Variants in HIPK3 observed in about 807,000 individuals in gnomAD.
HIPK3 encodes homeodomain interacting protein kinase 3.
HIPK3 carries 47 observed loss-of-function variants against 124.2 expected under a neutral mutation model. The observed-to-expected ratio is 0.38, with a 90% CI of 0.30 to 0.48. The LOEUF (loss-of-function observed/expected upper bound fraction) is 0.48, where lower values mean the gene tolerates loss of function less well. HIPK3 is among the 20% of genes least tolerant of loss of function. The pLI, the probability that HIPK3 is intolerant of heterozygous loss-of-function variation, is 0.98. For missense variants in HIPK3, 1,286 were observed against 1,454.3 expected, an observed-to-expected ratio of 0.88 and a Z score of 1.88; for synonymous variants, 482 against 515.2, an observed-to-expected ratio of 0.94 and a Z score of 0.87.
chr11:33,311,989 C>CACACACACAG (rs1218271609), intron 2 of HIPK3, among the ~76,000 whole-genome samples: 3 of 149,108 alleles, frequency 2.0e-5, no homozygotes, highest in Non-Finnish European at 3.0e-5. Flanking sequence ...CACACACACA[C>CACACACACAG]ACACACACCA....
chr11:33,314,747 GAAAGTTA>G (rs1031153932), intron 2 of HIPK3, among the ~76,000 whole-genome samples: 3 of 152,192 alleles, frequency 2.0e-5, no homozygotes, highest in African/African-American at 7.2e-5. Flanking sequence ...TACAAAGTTA[GAAAGTTA>G]AATCATTTAT....
intron 16 of HIPK3, 24 bp from the exon 17 acceptor site, chr11:33,353,067 AT>A (rs372470144): frequency 0.1 from 89,364 of 885,400 alleles, 230 homozygotes; most frequent in Non-Finnish European, 0.11. Context: ...TTATTCAGTC[AT>A]TTTTTTTTTT....
At chr11:33,302,905 A>C (rs746623180) in intron 2 of HIPK3, among the ~76,000 whole-genome samples, 1 of 152,212 alleles carries the variant, frequency 6.6e-6, no homozygotes, top group Non-Finnish European at 1.5e-5. Flanking sequence ...AGTAATACAT[A>C]GATGTTAAAG....
rs948696490 is a variant in HIPK3, at chr11:33,339,610, T to C, written c.1613+76T>C. ...TAGAAAATGACTGCATCAGAGAAAT[T>C]ACTTTTCTTCATTAAACACAAGTAA... is the stretch of plus-strand genomic sequence containing the variant. On this transcript the variant is annotated intron_variant, in intron 6 of 16. Transcript: ENST00000303296. The C allele has an allele frequency of 1.0e-5, 11 of 1,100,054 alleles. No homozygotes were observed. The African/African-American group carries it at 1.6e-4, about 16-fold the overall frequency. The allele number at this position is 1,100,054 out of a possible 1,614,324, so 68.1% of individuals were successfully genotyped here.
rs749618500 is a variant in HIPK3 at position 33,341,699 on chromosome 11, T to G, written c.1897+13T>G. ...CCAGCTATTCAAGGTATTATTTTAT[T>G]TAAATTTTGCTTTGAATCTAGGCAT... On this transcript the variant is annotated intron_variant, in intron 8 of 16. Transcript: ENST00000303296. The G allele has an allele frequency of 1.0e-5, 16 of 1,591,426 alleles. No homozygotes were observed. Among genetic ancestry groups the G allele is most frequent in the Middle Eastern group, 1.7e-4 (1 of 5,970 alleles).
chr11:33,347,266 T>C (rs1447971046), intron 8 of HIPK3, 27 bp from the exon 9 acceptor site: 2 of 1,586,418 alleles, frequency 1.3e-6, no homozygotes, highest in Admixed American at 3.6e-5. Flanking sequence ...ATTTTTTCTT[T>C]TATTTGATAA....
intron 3 of HIPK3, among the ~76,000 whole-genome samples, chr11:33,329,447 T>C (rs2133969600): frequency 6.6e-6 from 1 of 152,306 alleles, no homozygotes; most frequent in Admixed American, 6.5e-5. Flanking sequence ...AATAGAAGAA[T>C]TTAAAGCACC....
At chr11:33,272,409 A>AAT (rs1565055896) in intron 1 of HIPK3, among the ~76,000 whole-genome samples, 1 of 151,828 alleles carries the variant, frequency 6.6e-6, no homozygotes, top group East Asian at 1.9e-4. Flanking sequence ...CAAAAAAAAA[A>AAT]AATAATAATA....
chr11:33,261,136 A>ATATAT (rs199988425), intron 1 of HIPK3, among the ~76,000 whole-genome samples: 2 of 145,154 alleles, frequency 1.4e-5, no homozygotes, highest in East Asian at 3.9e-4. Flanking sequence ...TTATATATAA[A>ATATAT]ATATAAAATA....
chr11:33,341,251 C>A, intron 7 of HIPK3, 124 bp downstream of exon 7: 1 of 618,382 alleles, frequency 1.6e-6, no homozygotes, highest in Non-Finnish European at 2.7e-6. Context: ...TCTTACTATA[C>A]CTGTTTTTAC....
chr11:33,264,045 T>C (rs1176337606), intron 1 of HIPK3, among the ~76,000 whole-genome samples: 2 of 152,242 alleles, frequency 1.3e-5, no homozygotes, highest in Non-Finnish European at 2.9e-5. Context: ...CTCAGACTTC[T>C]GATATCTATG....
intron 2 of HIPK3, among the ~76,000 whole-genome samples, chr11:33,290,391 C>A (rs926067769): frequency 6.6e-6 from 1 of 151,588 alleles, no homozygotes; most frequent in African/African-American, 2.4e-5. Flanking sequence ...TCTTATTTAA[C>A]AGTATGAGAA....
intron 2 of HIPK3, among the ~76,000 whole-genome samples, chr11:33,304,801 G>C (rs946464952): frequency 1.3e-5 from 2 of 152,122 alleles, no homozygotes; most frequent in African/African-American, 4.8e-5. Flanking sequence ...TATTTCTAGA[G>C]GGAGAATTGT....
chr11:33,344,135 C>T (rs1175675881), intron 8 of HIPK3, among the ~76,000 whole-genome samples: 1 of 152,180 alleles, frequency 6.6e-6, no homozygotes, highest in African/African-American at 2.4e-5. Flanking sequence ...AATCTACCTA[C>T]CTACCTACAG....
At chr11:33,339,899 C>T (rs1414101140) in intron 6 of HIPK3, among the ~76,000 whole-genome samples, 2 of 152,140 alleles carry the variant, frequency 1.3e-5, no homozygotes, top group African/African-American at 4.8e-5. Context: ...TATTTTGAGT[C>T]GTGCAACTTC....
chr11:33,312,691 T>C (rs1255758107), intron 2 of HIPK3, among the ~76,000 whole-genome samples: 1 of 152,190 alleles, frequency 6.6e-6, no homozygotes, highest in Non-Finnish European at 1.5e-5. Context: ...TCTAATATGG[T>C]TTACAATTTA....
Position 33,353,139 on chromosome 11 carries a change from G to A in HIPK3, c.3219G>A (p.Gly1073=). 1 of 1,613,734 alleles carries A rather than the reference G, an allele frequency of 6.2e-7. No individual in the cohort carries two copies. Among genetic ancestry groups the A allele is most frequent in the Non-Finnish European group, 8.5e-7 (1 of 1,179,892 alleles). ...ATCAAGAGTGGAATGGAAACTTTGG[G>A]CACAGAAGACAGCAAGCTTATATTC... ...SGHQEWNGNF[G]HRRQQAYIPT... The change falls in exon 17 of 17, where the codon GGG becomes GGA. Residue 1073 remains glycine, a synonymous_variant. Transcript: ENST00000303296.
At chr11:33,340,179 C>G (rs778475870) in intron 6 of HIPK3, among the ~76,000 whole-genome samples, 2 of 152,206 alleles carry the variant, frequency 1.3e-5, no homozygotes, top group Non-Finnish European at 2.9e-5. Context: ...CTCACAGGCT[C>G]AAGTGCTCCT....
intron 1 of HIPK3, among the ~76,000 whole-genome samples, chr11:33,284,950 T>C (rs1257508450): frequency 3.3e-5 from 5 of 152,222 alleles, no homozygotes. Flanking sequence ...GGATTCATTC[T>C]TATGTGTGTA....
Sources: allele counts gnomAD v4.1 joint callset (sites outside exome capture counted in the v4.1 genomes callset), GRCh38; gene constraint gnomAD v4.1.1; transcripts MANE v1.5; gene names NCBI Gene and HGNC (gene_info 2026-07-23, HGNC 2026-07-21).